DHX57: variants seen among roughly 807,000 people sequenced by gnomAD.
DHX57 encodes DExH-box helicase 57.
DHX57 carries 105 observed loss-of-function variants against 156.2 expected under a neutral mutation model. That is an observed-to-expected ratio of 0.67 (90% confidence interval 0.57 to 0.79). The LOEUF is 0.79. Ranked by LOEUF, DHX57 falls within the 30% of genes least tolerant of loss-of-function variation. DHX57 has a pLI of 0.00. For synonymous variants in DHX57, 704 were observed against 595.6 expected (o/e 1.18, Z -2.65); for missense variants, 1,847 against 1,661.9 (o/e 1.11, Z -1.94).
At chr2:38,838,492 G>C (rs959800794) in intron 12 of DHX57, among the ~76,000 whole-genome samples, 4 of 152,176 alleles carry the variant, frequency 2.6e-5, no homozygotes, top group Non-Finnish European at 1.5e-5. Flanking sequence ...CTGTTGGAAA[G>C]ACCCAGATGG....
chr2:38,845,944 C>A (rs555380940), intron 11 of DHX57, among the ~76,000 whole-genome samples: 3 of 151,244 alleles, frequency 2.0e-5, no homozygotes, highest in South Asian at 2.1e-4. Flanking sequence ...CAGCTCACTG[C>A]AACCTCTGCC....
intron 23 of DHX57, 54 bp downstream of exon 23, chr2:38,802,661 T>C (rs1669741849): frequency 6.2e-7 from 1 of 1,601,258 alleles, no homozygotes; most frequent in Admixed American, 1.7e-5. Context: ...AACTTCATAT[T>C]GTCAAAGCCC....
chr2:38,831,489 T>A (rs1276831718), intron 13 of DHX57, among the ~76,000 whole-genome samples: 1 of 151,978 alleles, frequency 6.6e-6, no homozygotes, highest in Non-Finnish European at 1.5e-5. Flanking sequence ...GGTAATTTTC[T>A]AACATTTCTT....
chr2:38,798,433 G>A lies in DHX57; in HGVS notation c.4027C>T (p.Leu1343=). The A allele has an allele frequency of 6.2e-7, 1 of 1,610,080 alleles. No homozygotes were observed. Among genetic ancestry groups the A allele is most frequent in the Non-Finnish European group, 8.5e-7 (1 of 1,178,720 alleles). Residue 1343 remains leucine (L), a synonymous_variant, in exon 24 of 24, where the codon CTG becomes TTG. Transcript: ENST00000457308. The stretch of plus-strand genomic sequence containing the variant: ...AGTTCGCAACGAAGCTCCTTTACCA[G>A]TTCAGCCACCTAAAATGAAAGCTAC... ...FVAASHQVAE[L]VKELRCELDQ...
Position 38,875,866 on chromosome 2 carries a change from C to A in DHX57, c.-86G>T, listed in dbSNP as rs1484445481. The A allele has an allele frequency of 2.5e-6, 1 of 395,330 alleles. No individual in the cohort carries two copies. The highest frequency in any genetic ancestry group is 4.5e-6 in the Non-Finnish European group (1 of 224,632). The allele number at this position is 395,330 out of a possible 1,614,324, so 24.5% of individuals were successfully genotyped here. On this transcript the variant is annotated 5_prime_UTR_variant, in exon 1 of 24. Coordinates refer to ENST00000457308, the MANE Select transcript of DHX57 (RefSeq NM_198963.3). ...CAGAGGTCCAAACTGGACTTGGCCA[C>A]CCTCACGATTCTCACTTGGAGCAGC...
intron 2 of DHX57, among the ~76,000 whole-genome samples, chr2:38,865,870 C>T (rs966625801): frequency 6.6e-6 from 1 of 152,176 alleles, no homozygotes; most frequent in African/African-American, 2.4e-5. Flanking sequence ...GAGAACATCT[C>T]CTAACTGGTC....
chr2:38,824,958 A>T (rs1160746942), intron 16 of DHX57, among the ~76,000 whole-genome samples: 3 of 152,134 alleles, frequency 2.0e-5, no homozygotes, highest in Non-Finnish European at 2.9e-5. Flanking sequence ...CCAAAGCTGC[A>T]GTCATTGTTT....
At position 38,815,629 on chromosome 2, in the gene DHX57, G is replaced by A. The variant is rs1186815428; in HGVS notation, c.3498C>T (p.Phe1166=). The A allele has an allele frequency of 6.2e-7, 1 of 1,613,970 alleles. No homozygotes were observed. Among genetic ancestry groups the A allele is most frequent in the Non-Finnish European group, 8.5e-7 (1 of 1,180,042 alleles). ...LQEMASLKRQ[F]TELLSDIGFA... ...ACCCTATATCCGATAACAGTTCCGT[G>A]AATTGTCGTTTGAGGCTGGCCATTT... The change falls in exon 20 of 24, where the codon TTC becomes TTT. Residue 1166 remains phenylalanine (F), a synonymous_variant. Transcript: ENST00000457308.
At chr2:38,811,538 G>T in intron 21 of DHX57, 1 of 1,113,770 alleles carries the variant, frequency 9.0e-7, no homozygotes, top group Non-Finnish European at 1.3e-6. Context: ...CTTCCTTCTG[G>T]CCAACATTGG....
At position 38,856,448 on chromosome 2, in the gene DHX57, A is replaced by G. The variant is rs1672899516; in HGVS notation, c.1601T>C (p.Phe534Ser). 1.2e-6 allele frequency: 2 copies of G among 1,610,280 alleles called. No homozygotes were observed. The highest frequency in any genetic ancestry group is 2.2e-5 in the East Asian group (1 of 44,848). Residue 534 changes from phenylalanine (F) to serine (S), a missense_variant, in exon 7 of 24, where the codon TTC (phenylalanine) becomes TCC (serine). Phe to Ser is a radical substitution (Grantham distance 155, BLOSUM62 -2). Coordinates refer to ENST00000457308, the MANE Select transcript of DHX57 (RefSeq NM_198963.3). ...TTGCCTCTCTTGCAGAATGGACTGG[A>G]ACTGTCTGGAAGCCTAATAAAATCA... ...QFRMKQASRQ[F>S]QSILQERQSL... is the part of the protein sequence containing the mutation.
intron 11 of DHX57, among the ~76,000 whole-genome samples, chr2:38,846,019 C>T (rs2124886673): frequency 6.6e-6 from 1 of 152,210 alleles, no homozygotes; most frequent in South Asian, 2.1e-4. Flanking sequence ...GCATGCACCA[C>T]CATGCCCAGC....
intron 21 of DHX57, among the ~76,000 whole-genome samples, chr2:38,813,158 G>A (rs1246842995): frequency 6.6e-6 from 1 of 151,010 alleles, no homozygotes; most frequent in Non-Finnish European, 1.5e-5. Context: ...TTTACTTTTT[G>A]TTCAGAGTAG....
chr2:38,813,809 ATGTTT>A lies in DHX57; in HGVS notation c.3681+7_3681+11del. ...CAAAAAATGGAAAGATCTAGGAAAA[ATGTTT>A]TGTTACCTGCACTACATTTGGATAC... On this transcript the variant is annotated splice_region_variant and intron_variant, in intron 21 of 23. Coordinates refer to ENST00000457308, the MANE Select transcript of DHX57 (RefSeq NM_198963.3). 6.2e-7 allele frequency: 1 copy of A among 1,613,386 alleles called. No individual in the cohort carries two copies. Among genetic ancestry groups the A allele is most frequent in the Non-Finnish European group, 8.5e-7 (1 of 1,179,496 alleles).
At chr2:38,858,566 G>C in intron 6 of DHX57, 95 bp downstream of exon 6, 1 of 1,450,846 alleles carries the variant, frequency 6.9e-7, no homozygotes, top group Non-Finnish European at 9.2e-7. Context: ...AGAACCAGAA[G>C]AATTTTAAGG....
chr2:38,840,126 T>G (rs1315751993), intron 12 of DHX57, among the ~76,000 whole-genome samples: 1 of 152,024 alleles, frequency 6.6e-6, no homozygotes, highest in Non-Finnish European at 1.5e-5. Context: ...AAAATTTTTT[T>G]AAGAGACAAG....
chr2:38,827,055 C>T (rs2124821191), intron 14 of DHX57, among the ~76,000 whole-genome samples: 1 of 152,174 alleles, frequency 6.6e-6, no homozygotes, highest in East Asian at 1.9e-4. Flanking sequence ...CACTTGAGCC[C>T]AGGATGCAGA....
At chr2:38,816,103 A>G (rs1184169332) in intron 19 of DHX57, 1 of 471,726 alleles carries the variant, frequency 2.1e-6, no homozygotes, top group Non-Finnish European at 4.4e-6. Flanking sequence ...ACTCAGGCCT[A>G]GAGTGGTTCG....
At chr2:38,803,706 C>T (rs1011321579) in intron 22 of DHX57, among the ~76,000 whole-genome samples, 16 of 151,442 alleles carry the variant, frequency 1.1e-4, no homozygotes, top group African/African-American at 3.9e-4. Flanking sequence ...CCAGGCTGTT[C>T]TTGAACTCCT....
chr2:38,836,488 T>C (rs984261388), intron 13 of DHX57, among the ~76,000 whole-genome samples: 2 of 152,230 alleles, frequency 1.3e-5, no homozygotes, highest in Non-Finnish European at 2.9e-5. Context: ...GAATACAGTA[T>C]GTACACCAGG....
Sources: gnomAD v4.1 joint callset for allele counts (sites outside exome capture counted in the v4.1 genomes callset) on GRCh38, gnomAD v4.1.1 for gene constraint, MANE v1.5 for transcripts, NCBI Gene and HGNC (gene_info 2026-07-23, HGNC 2026-07-21) for gene names.